The following MARCHF8 variants were observed in gnomAD, a reference collection of about 807,000 sequenced individuals.
MARCHF8 encodes the protein E3 ubiquitin-protein ligase MARCHF8.
Under a neutral mutation model 51.6 loss-of-function variants are expected in MARCHF8, and 40 were observed. The observed-to-expected ratio is 0.77, with a 90% CI of 0.60 to 1.01. The LOEUF (loss-of-function observed/expected upper bound fraction) is 1.01, where lower values mean the gene tolerates loss of function less well. MARCHF8 is among the 50% of genes least tolerant of loss of function. MARCHF8 has a pLI of 0.00. For synonymous variants in MARCHF8, 263 were observed against 280.3 expected (o/e 0.94, Z 0.62); for missense variants, 685 against 708.6 (o/e 0.97, Z 0.38).
chr10:45,538,967 C>T (rs1644501200), upstream of MARCHF8, among the ~76,000 whole-genome samples: 1 of 152,138 alleles, frequency 6.6e-6, no homozygotes, highest in African/African-American at 2.4e-5. Flanking sequence ...ACCAAGCGGA[C>T]CTAATAGACA....
chr10:45,526,143 T>C (rs2043789661), intron 2 of MARCHF8, among the ~76,000 whole-genome samples: 1 of 152,092 alleles, frequency 6.6e-6, no homozygotes, highest in Non-Finnish European at 1.5e-5. Flanking sequence ...TAGATGCAGC[T>C]AGTACATGCC....
At chr10:45,594,283 A>C (rs2044712236) in exon 1 of MARCHF8, 1 of 152,262 alleles carries the variant, frequency 6.6e-6, no homozygotes, top group African/African-American at 2.4e-5. Context: ...TCTCGAGATC[A>C]CACGTCAGAC....
chr10:45,489,294 G>T (rs1480671155), intron 3 of MARCHF8, 73 bp downstream of exon 3: 4 of 1,087,640 alleles, frequency 3.7e-6, no homozygotes, highest in South Asian at 1.4e-5. Context: ...AAAAAAAAGA[G>T]TATAAACACA....
At position 45,463,421 on chromosome 10, in the gene MARCHF8, C is replaced by T. The variant is rs764562032; in HGVS notation, c.818G>A (p.Ser273Asn). The T allele has an allele frequency of 2.7e-5, 42 of 1,550,508 alleles. 1 individual carries two copies. The South Asian group carries it at 4.9e-4, about 18-fold the overall frequency. The change falls in exon 5 of 8, where the codon AGC becomes AAC. Residue 273 changes from serine to asparagine, a missense_variant. Transcript: ENST00000453424. ...FSLSHGLSAS[S>N]LHRFHELESC... ...CTCCAGCTCATGGAACCTGTGCAGG[C>T]TGCTGGCGCTCAAGCCGTGCGAGAG...
At chr10:45,550,121 A>G (rs1475622511) in intron 1 of MARCHF8, among the ~76,000 whole-genome samples, 2 of 152,188 alleles carry the variant, frequency 1.3e-5, no homozygotes, top group East Asian at 1.9e-4. Context: ...TTCCTCTGAT[A>G]ATAATAGTTT....
At chr10:45,517,793 A>C (rs2043644285) in intron 2 of MARCHF8, among the ~76,000 whole-genome samples, 1 of 152,216 alleles carries the variant, frequency 6.6e-6, no homozygotes, top group Admixed American at 6.5e-5. Context: ...TTTCTTGTAT[A>C]CCTTCATGAA....
At chr10:45,503,353 C>A (rs1232151466) in intron 2 of MARCHF8, among the ~76,000 whole-genome samples, 1 of 151,772 alleles carries the variant, frequency 6.6e-6, no homozygotes, top group Non-Finnish European at 1.5e-5. Context: ...CTGGCCAACA[C>A]GGTAAAACCC....
rs555091514 is a variant in MARCHF8 at position 45,533,954 on chromosome 10, C to T, written c.-78-665G>A. On this transcript the variant is annotated intron_variant, in intron 1 of 7. Transcript: ENST00000453424. Reference sequence around the variant, plus strand: ...ATCCCAGCACTTTGGGAGGCCAAGGCGGGCAAATCACGAGGTCAGGAGATC... The same window carrying T: ...ATCCCAGCACTTTGGGAGGCCAAGGTGGGCAAATCACGAGGTCAGGAGATC... Among the ~76,000 whole-genome samples, 10 of 152,242 alleles carry T rather than the reference C, an allele frequency of 6.6e-5. No homozygotes were observed. The East Asian group carries it at 1.2e-3, about 18-fold the overall frequency.
intron 3 of MARCHF8, among the ~76,000 whole-genome samples, chr10:45,478,472 C>T (rs558044665): frequency 2.1e-4 from 31 of 151,194 alleles, no homozygotes; most frequent in Non-Finnish European, 4.1e-4. Flanking sequence ...GAAGGATGCA[C>T]CTCAAGGATC....
intron 3 of MARCHF8, among the ~76,000 whole-genome samples, chr10:45,470,694 C>T (rs1321381802): frequency 6.6e-6 from 1 of 152,120 alleles, no homozygotes; most frequent in Non-Finnish European, 1.5e-5. Flanking sequence ...AGATTGCTAG[C>T]GGTTACTGCC....
intron 1 of MARCHF8, among the ~76,000 whole-genome samples, chr10:45,585,495 T>C (rs1373935619): frequency 6.6e-6 from 1 of 152,096 alleles, no homozygotes; most frequent in Non-Finnish European, 1.5e-5. Flanking sequence ...CACAATACAA[T>C]TCTAGTCATA....
At chr10:45,561,441 A>C (rs1036904110) in intron 1 of MARCHF8, among the ~76,000 whole-genome samples, 2 of 151,634 alleles carry the variant, frequency 1.3e-5, no homozygotes, top group Admixed American at 6.6e-5. Context: ...CATCCGGCTA[A>C]TTTTTGTATT....
At chr10:45,516,755 CTT>C (rs1335078982) in intron 2 of MARCHF8, among the ~76,000 whole-genome samples, 4 of 151,936 alleles carry the variant, frequency 2.6e-5, no homozygotes, top group Non-Finnish European at 5.9e-5. Flanking sequence ...CAGAACAAGA[CTT>C]TGTCTCAAAA....
chr10:45,572,606 C>CGTCCAGGCATTCTTTTACACATCG (rs2044443543), intron 1 of MARCHF8, among the ~76,000 whole-genome samples: 1 of 152,086 alleles, frequency 6.6e-6, no homozygotes, highest in Non-Finnish European at 1.5e-5. Context: ...AGGTGCCTGA[C>CGTCCAGGCATTCTTTTACACATCG]GTCCAGGCAT....
intron 2 of MARCHF8, among the ~76,000 whole-genome samples, chr10:45,518,885 A>C (rs2043662280): frequency 6.6e-6 from 1 of 152,218 alleles, no homozygotes; most frequent in Admixed American, 6.5e-5. Flanking sequence ...AGCATGTATC[A>C]TACACTAATC....
In MARCHF8 at chr10:45,461,418, T is replaced by C; in HGVS notation, c.1089-7A>G. Reference sequence around the variant, plus strand: ...TCCTTCACAGTGGCAGATCCTATGGTGGAAGGAAAACCTGTCATTCCAAGG... The same window carrying C: ...TCCTTCACAGTGGCAGATCCTATGGCGGAAGGAAAACCTGTCATTCCAAGG... On this transcript the variant is annotated splice_region_variant and splice_polypyrimidine_tract_variant and intron_variant, in intron 5 of 7. Coordinates refer to ENST00000453424, the MANE Select transcript of MARCHF8 (RefSeq NM_001282866.2). 6.5e-7 allele frequency: 1 copy of C among 1,536,732 alleles called. No homozygotes were observed. Among genetic ancestry groups the C allele is most frequent in the Non-Finnish European group, 8.8e-7 (1 of 1,142,316 alleles).
chr10:45,501,190 G>A (rs188413547), intron 2 of MARCHF8, among the ~76,000 whole-genome samples: 13 of 151,262 alleles, frequency 8.6e-5, no homozygotes, highest in African/African-American at 2.2e-4. Flanking sequence ...TATATGGATA[G>A]GCAAAGGAAC....
chr10:45,463,595 T>C lies in MARCHF8; in HGVS notation c.644A>G (p.His215Arg). The change falls in exon 5 of 8, where the codon CAT becomes CGT. Residue 215 changes from histidine (H) to arginine (R), a missense_variant. By Grantham distance (29) the His-to-Arg change is conservative. Transcript: ENST00000453424. Reference protein sequence around the residue: ...LNHKPLGNSKHSCVSCLSAGR... With the variant: ...LNHKPLGNSKRSCVSCLSAGR... The stretch of plus-strand genomic sequence containing the variant: ...GGCAGAAAGGCATGAAACACAAGAA[T>C]GTTTGGAATTGCCAAGAGGTTTGTG... 1 of 1,550,660 alleles carries C rather than the reference T, an allele frequency of 6.4e-7. No homozygotes were observed. The highest frequency in any genetic ancestry group is 1.4e-5 in the African/African-American group (1 of 73,188).
chr10:45,479,401 A>G (rs1055773601), intron 3 of MARCHF8, among the ~76,000 whole-genome samples: 2 of 152,212 alleles, frequency 1.3e-5, no homozygotes, highest in Admixed American at 1.3e-4. Context: ...TGAATGGGGG[A>G]AAAGTGAAAG....
Sources: allele counts gnomAD v4.1 joint callset (sites outside exome capture counted in the v4.1 genomes callset), GRCh38; gene constraint gnomAD v4.1.1; transcripts MANE v1.5; gene names NCBI Gene and HGNC (gene_info 2026-07-23, HGNC 2026-07-21).